ABCB10: variants seen among roughly 807,000 people sequenced by gnomAD.
ABCB10 encodes the protein ATP-binding cassette sub-family B member 10, mitochondrial.
In ABCB10, 54 loss-of-function variants were observed where a neutral mutation model predicts 65.4. The ratio of observed to expected loss-of-function variants is 0.83; its 90% CI spans 0.66 to 1.04. ABCB10 has a LOEUF of 1.04. Among genes scored for constraint, ABCB10 ranks in the 50% least tolerant of loss-of-function variants. ABCB10 has a pLI of 0.00. For missense variants in ABCB10, 846 were observed against 976.6 expected (o/e 0.87, Z 1.78); for synonymous variants, 418 against 406.5 (o/e 1.03, Z -0.34).
chr1:229,558,686 C>T lies in ABCB10; in HGVS notation c.-34G>A, dbSNP rs1376652896. ...GTGCGACCCGTACGCCTCAGCCCGC[C>T]GGCCAGGCGCGCGCAAAGCCCGAGG... On this transcript the variant is annotated 5_prime_UTR_variant, in exon 1 of 13. Coordinates refer to ENST00000344517, the MANE Select transcript of ABCB10 (RefSeq NM_012089.3). The T allele has an allele frequency of 7.1e-6, 9 of 1,259,814 alleles. No homozygotes were observed. In the East Asian group the frequency reaches 1.4e-4, roughly 19 times the overall value. 78.0% of individuals were successfully genotyped at this position (1,259,814 alleles called of 1,614,324 possible).
At chr1:229,529,232 G>T (rs769627919) in intron 8 of ABCB10, among the ~76,000 whole-genome samples, 5 of 124,384 alleles carry the variant, frequency 4.0e-5, no homozygotes, top group Non-Finnish European at 8.0e-5. Context: ...GGCGGAGCTT[G>T]CAGCAGTGAG....
intron 10 of ABCB10, among the ~76,000 whole-genome samples, 155 bp downstream of exon 10, chr1:229,525,781 G>A (rs1291833715): frequency 6.6e-6 from 1 of 152,106 alleles, no homozygotes; most frequent in Non-Finnish European, 1.5e-5. Context: ...GCAGAGAGCC[G>A]AGATTGCGCC....
rs1466044419 is a variant in ABCB10 at position 229,558,157 on chromosome 1, G to T, written c.496C>A (p.Pro166Thr). Residue 166 changes from proline (P) to threonine (T), a missense_variant, in exon 1 of 13, where the codon CCT (proline) becomes ACT (threonine). Coordinates refer to ENST00000344517, the MANE Select transcript of ABCB10 (RefSeq NM_012089.3). Reference sequence around the variant, plus strand: ...CTACCTGCCAGCCTCCGGCGCTCAGGGTACGCCAGCCCCAGGAGCTTCCGG... The same window carrying T: ...CTACCTGCCAGCCTCCGGCGCTCAGTGTACGCCAGCCCCAGGAGCTTCCGG... ...EARKLLGLAYPERRRLAAAVG... is the reference protein window; with the variant it reads ...EARKLLGLAYTERRRLAAAVG... 7.0e-7 allele frequency: 1 copy of T among 1,432,772 alleles called. No homozygotes were observed. 88.8% of individuals were successfully genotyped at this position (1,432,772 alleles called of 1,614,324 possible). A position where few individuals can be genotyped will look rare whatever the true frequency, so the allele number is the denominator to read the frequency against.
chr1:229,549,513 C>A lies in ABCB10; in HGVS notation c.518-79G>T, dbSNP rs529121045. ...GTGCTGAGTCCAGGAGGCTTCCTTG[C>A]CAAATAAGCTGTTGTCAGAGTATGC... is the stretch of plus-strand genomic sequence containing the variant. On this transcript the variant is annotated intron_variant, in intron 1 of 12. Transcript: ENST00000344517. 9.9e-5 allele frequency: 133 copies of A among 1,349,120 alleles called. No homozygotes were observed. In the African/African-American group the frequency reaches 1.6e-3, roughly 16 times the overall value. The allele number at this position is 1,349,120 out of a possible 1,614,324, so 83.6% of individuals were successfully genotyped here.
Position 229,539,588 on chromosome 1 carries a change from C to T in ABCB10, c.1207G>A (p.Gly403Arg). The T allele has an allele frequency of 1.2e-6, 2 of 1,612,652 alleles. No individual in the cohort carries two copies. Among genetic ancestry groups the T allele is most frequent in the Non-Finnish European group, 1.7e-6 (2 of 1,179,674 alleles). Residue 403 changes from glycine (G) to arginine (R), a missense_variant, in exon 6 of 13, where the codon GGG (glycine) becomes AGG (arginine). Around this residue, in one of 2 missense-constraint regions of ABCB10, gnomAD observed 632 missense variants for 803.2 expected, o/e 0.79. Transcript: ENST00000344517. ...FARAGFFGATGLSGNLIVLSV... is the reference protein window; with the variant it reads ...FARAGFFGATRLSGNLIVLSV... ...AGCACGATCAGGTTTCCGGAGAGCC[C>T]AGTCTGTCGAATGAAGAAAACACAG...
At chr1:229,536,763 C>T (rs1337505554) in intron 6 of ABCB10, among the ~76,000 whole-genome samples, 1 of 152,126 alleles carries the variant, frequency 6.6e-6, no homozygotes, top group Non-Finnish European at 1.5e-5. Flanking sequence ...CAAGACCAGC[C>T]TGGGAAACAT....
intron 6 of ABCB10, among the ~76,000 whole-genome samples, chr1:229,534,879 A>G (rs1662676183): frequency 1.4e-5 from 2 of 147,904 alleles, no homozygotes; most frequent in South Asian, 4.4e-4. Context: ...CTCAAAAAAA[A>G]AAAAAAAAAA....
chr1:229,528,966 A>T (rs1413495868), intron 8 of ABCB10, among the ~76,000 whole-genome samples: 1 of 152,194 alleles, frequency 6.6e-6, no homozygotes, highest in Non-Finnish European at 1.5e-5. Flanking sequence ...GTTAAAAATA[A>T]AATAAAAACT....
At position 229,547,548 on chromosome 1, in the gene ABCB10, G is replaced by A; in HGVS notation, c.872C>T (p.Ser291Leu). The change falls in exon 3 of 13, where the codon TCA becomes TTA. Residue 291 changes from serine to leucine, a missense_variant. This residue lies in a region of ABCB10 where 632 missense variants were observed against 803.2 expected (regional missense o/e 0.79). Transcript: ENST00000344517. ...LLGRSVTENL[S>L]DGLRAGAQAS... ...CTGGGCCCCGGCCCTGAGCCCATCT[G>A]AGAGGTTTTCAGTCACTGAGCGCCC... 6.2e-7 allele frequency: 1 copy of A among 1,613,920 alleles called. No homozygotes were observed. Among genetic ancestry groups the A allele is most frequent in the Non-Finnish European group, 8.5e-7 (1 of 1,179,892 alleles).
intron 9 of ABCB10, 143 bp downstream of exon 9, chr1:229,527,086 C>A (rs779494316): frequency 4.8e-5 from 35 of 731,522 alleles, no homozygotes; most frequent in Non-Finnish European, 7.4e-5. Flanking sequence ...ACCTAAACAA[C>A]CTGCCATGTG....
At chr1:229,540,281 G>A (rs1042939341) in intron 5 of ABCB10, among the ~76,000 whole-genome samples, 3 of 152,130 alleles carry the variant, frequency 2.0e-5, no homozygotes, top group Non-Finnish European at 2.9e-5. Context: ...ACAGATTGCT[G>A]GCCCCAGTTT....
At chr1:229,548,824 G>A (rs1002410181) in intron 2 of ABCB10, among the ~76,000 whole-genome samples, 1 of 151,864 alleles carries the variant, frequency 6.6e-6, no homozygotes, top group African/African-American at 2.4e-5. Flanking sequence ...CACCACGCCC[G>A]GGTAATTTTT....
At chr1:229,529,926 G>A (rs929465540) in intron 8 of ABCB10, among the ~76,000 whole-genome samples, 3 of 152,108 alleles carry the variant, frequency 2.0e-5, no homozygotes, top group Admixed American at 1.3e-4. Flanking sequence ...GGAGATACCC[G>A]CATGGGAGAT....
In ABCB10 at chr1:229,517,068, T is replaced by G. The variant is rs572185777; in HGVS notation, c.*1111A>C. The stretch of plus-strand genomic sequence containing the variant: ...TGAGGCAACAGCAAATTAACAGCAC[T>G]GATACAAAATATGGCAAATTCAATG... On this transcript the variant is annotated 3_prime_UTR_variant, in exon 13 of 13. Transcript: ENST00000344517. 1 of 152,304 alleles carries G rather than the reference T, an allele frequency of 6.6e-6. No homozygotes were observed. Among genetic ancestry groups the G allele is most frequent in the South Asian group, 2.1e-4 (1 of 4,832 alleles). The allele number at this position is 152,304 out of a possible 1,614,324, so 9.4% of individuals were successfully genotyped here.
chr1:229,519,113 G>C (rs1662240546), intron 11 of ABCB10: 2 of 363,054 alleles, frequency 5.5e-6, no homozygotes. Context: ...GTTCAATGCA[G>C]GAAATAAGGA....
intron 1 of ABCB10, among the ~76,000 whole-genome samples, chr1:229,552,899 T>A (rs1663150558): frequency 6.6e-6 from 1 of 152,170 alleles, no homozygotes; most frequent in African/African-American, 2.4e-5. Flanking sequence ...GTCTTTGGCA[T>A]CTTCCCACAT....
At chr1:229,541,290 A>C (rs149931196) in intron 4 of ABCB10, among the ~76,000 whole-genome samples, 4,371 of 152,168 alleles carry the variant, frequency 0.029, 199 homozygotes, top group African/African-American at 0.097. Flanking sequence ...GCAATGGCGC[A>C]ATCTCGGCTT....
At chr1:229,525,824 CA>C in intron 10 of ABCB10, 111 bp downstream of exon 10, 1 of 1,313,740 alleles carries the variant, frequency 7.6e-7, no homozygotes, top group Non-Finnish European at 1.0e-6. Flanking sequence ...GGTGACAGAG[CA>C]AGACTCAAGA....
chr1:229,554,104 A>C (rs1296507944), intron 1 of ABCB10, among the ~76,000 whole-genome samples: 1 of 152,212 alleles, frequency 6.6e-6, no homozygotes, highest in South Asian at 2.1e-4. Flanking sequence ...GTTTTTAGAC[A>C]TGTTTGGTTT....
Sources: allele counts gnomAD v4.1 joint callset (sites outside exome capture counted in the v4.1 genomes callset), GRCh38; gene constraint gnomAD v4.1.1; regional missense constraint gnomAD v4.1.1; transcripts MANE v1.5; gene names NCBI Gene and HGNC (gene_info 2026-07-23, HGNC 2026-07-21).